Variants in RBPMS observed in about 807,000 individuals in gnomAD.
The protein encoded by RBPMS is RNA binding protein, mRNA processing factor.
A neutral mutation model predicts 26.8 loss-of-function variants in RBPMS; 7 were observed. That is an observed-to-expected ratio of 0.26 (90% CI 0.15 to 0.49). The LOEUF is 0.49. Among genes scored for constraint, RBPMS ranks in the 20% least tolerant of loss-of-function variants. The probability of loss-of-function intolerance (pLI) is 0.98; values close to 1 mark genes in which losing one functional copy is unlikely to be tolerated. For missense variants in RBPMS, 186 were observed against 250.0 expected, an observed-to-expected ratio of 0.74 and a Z score of 1.73; for synonymous variants, 96 against 93.3, an observed-to-expected ratio of 1.03 and a Z score of -0.17.
At chr8:30,519,277 G>C (rs369097711) in intron 5 of RBPMS, among the ~76,000 whole-genome samples, 1 of 151,936 alleles carries the variant, frequency 6.6e-6, no homozygotes, top group African/African-American at 2.4e-5. Flanking sequence ...TCCCAAAAAC[G>C]AATCATTCAT....
chr8:30,558,978 G>C (rs1176669850), intron 7 of RBPMS, 22 bp downstream of exon 7: 1 of 1,604,694 alleles, frequency 6.2e-7, no homozygotes, highest in South Asian at 1.1e-5. Flanking sequence ...CTTTCCTTTG[G>C]AATGTGCGAA....
At chr8:30,549,795 TCC>T (rs376497422) in intron 6 of RBPMS, among the ~76,000 whole-genome samples, 1 of 100,744 alleles carries the variant, frequency 9.9e-6, no homozygotes, top group Non-Finnish European at 1.9e-5. Context: ...TCTCTCTCTC[TCC>T]CCTCTCTCCT....
chr8:30,507,227 G>A (rs1360913851), intron 5 of RBPMS, among the ~76,000 whole-genome samples: 1 of 152,178 alleles, frequency 6.6e-6, no homozygotes, highest in East Asian at 1.9e-4. Flanking sequence ...TTATTGACAA[G>A]CTTTGTGACC....
intron 6 of RBPMS, among the ~76,000 whole-genome samples, chr8:30,548,483 T>G (rs1351187424): frequency 6.6e-6 from 1 of 152,244 alleles, no homozygotes; most frequent in Non-Finnish European, 1.5e-5. Context: ...AGGCCTCATT[T>G]GTCCAGAGTA....
At chr8:30,563,958 C>T (rs1463417053) in intron 7 of RBPMS, 6 of 152,268 alleles carry the variant, frequency 3.9e-5, no homozygotes, top group Non-Finnish European at 5.9e-5. Context: ...GTCCGTCATA[C>T]CTAAGGCTAA....
Position 30,519,167 on chromosome 8 carries a change from A to G in RBPMS, c.397+14731A>G, listed in dbSNP as rs1471757190. Among the ~76,000 whole-genome samples the G allele has an allele frequency of 2.0e-5, 3 of 152,094 alleles. No homozygotes were observed. The South Asian group carries it at 6.2e-4, about 32-fold the overall frequency. ...AATACAGAAGAGATTGGTGTTTTCC[A>G]TGGCTTGGGTTTTATCTGCTTGGAG... On this transcript the variant is annotated intron_variant, in intron 5 of 8. Transcript: ENST00000397323.
chr8:30,423,544 A>G (rs756486781), intron 1 of RBPMS, among the ~76,000 whole-genome samples: 8 of 151,060 alleles, frequency 5.3e-5, no homozygotes, highest in Non-Finnish European at 1.2e-4. Flanking sequence ...AGTAACGGCC[A>G]CTTCCCATCC....
chr8:30,556,213 A>C, intron 6 of RBPMS: 1 of 985,358 alleles, frequency 1.0e-6, no homozygotes, highest in Non-Finnish European at 1.2e-6. Flanking sequence ...AGGAGCAGCC[A>C]CCTATTGCAT....
chr8:30,491,415 T>C (rs1046595722), intron 4 of RBPMS, among the ~76,000 whole-genome samples: 5 of 152,134 alleles, frequency 3.3e-5, no homozygotes, highest in African/African-American at 1.2e-4. Context: ...TGGTATTTCA[T>C]TTCATTAACA....
At chr8:30,409,666 C>T (rs1342349536) in intron 1 of RBPMS, among the ~76,000 whole-genome samples, 2 of 152,132 alleles carry the variant, frequency 1.3e-5, no homozygotes, top group Non-Finnish European at 2.9e-5. Flanking sequence ...CGGAGTCTCG[C>T]TCTGTTGCCA....
At chr8:30,551,069 A>T (rs1826324991) in intron 6 of RBPMS, among the ~76,000 whole-genome samples, 1 of 152,118 alleles carries the variant, frequency 6.6e-6, no homozygotes, top group Admixed American at 6.5e-5. Flanking sequence ...TACAGCTTGT[A>T]CTTGGGGATA....
chr8:30,568,833 A>G (rs1363544752), intron 8 of RBPMS, among the ~76,000 whole-genome samples: 3 of 152,136 alleles, frequency 2.0e-5, no homozygotes. Flanking sequence ...AAATAGCCAC[A>G]TTTTGACCTT....
At position 30,437,747 on chromosome 8, in the gene RBPMS, C is replaced by T. The variant is rs150843182; in HGVS notation, c.67-37032C>T. 8.8e-5 allele frequency among the ~76,000 whole-genome samples: 13 copies of T among 148,560 alleles called. No individual in the cohort carries two copies. In the East Asian group the frequency reaches 1.0e-3, roughly 12 times the overall value. ...TGGAGGTTGCAGTGAGCCCAGATCA[C>T]GCCACTGCACTCCAGCCTGGGTGAC... On this transcript the variant is annotated intron_variant, in intron 1 of 8. Coordinates refer to ENST00000397323, the MANE Select transcript of RBPMS (RefSeq NM_001008710.3).
At chr8:30,418,676 T>A (rs906920434) in intron 1 of RBPMS, among the ~76,000 whole-genome samples, 1 of 152,152 alleles carries the variant, frequency 6.6e-6, no homozygotes, top group Non-Finnish European at 1.5e-5. Context: ...TCTCCTGGGT[T>A]CAAGCGATTT....
At chr8:30,525,473 T>TA (rs1375119177) in intron 5 of RBPMS, among the ~76,000 whole-genome samples, 1 of 152,240 alleles carries the variant, frequency 6.6e-6, no homozygotes, top group African/African-American at 2.4e-5. Context: ...TGCTACCTGA[T>TA]ATGGCAAACA....
intron 1 of RBPMS, among the ~76,000 whole-genome samples, chr8:30,474,476 T>C (rs1317360525): frequency 6.6e-6 from 1 of 152,174 alleles, no homozygotes; most frequent in Non-Finnish European, 1.5e-5. Context: ...AGTTAGCTTG[T>C]AAATTTAAAT....
intron 5 of RBPMS, among the ~76,000 whole-genome samples, chr8:30,533,971 A>G (rs1295839280): frequency 6.6e-6 from 1 of 152,046 alleles, no homozygotes; most frequent in Non-Finnish European, 1.5e-5. Context: ...CGTCTCTACT[A>G]AAAATATAAA....
chr8:30,529,124 C>T (rs2979504), intron 5 of RBPMS, among the ~76,000 whole-genome samples: 29,620 of 151,470 alleles, frequency 0.2, 3,167 homozygotes, highest in South Asian at 0.39. Context: ...GGAGGCTGAG[C>T]GGGAAAATCG....
intron 5 of RBPMS, among the ~76,000 whole-genome samples, chr8:30,518,757 C>T (rs942220452): frequency 8.0e-6 from 1 of 124,458 alleles, no homozygotes; most frequent in African/African-American, 3.0e-5. Flanking sequence ...TAATTGAACC[C>T]CCACCACATG....
Sources: gnomAD v4.1 joint callset for allele counts (sites outside exome capture counted in the v4.1 genomes callset) on GRCh38, gnomAD v4.1.1 for gene constraint, MANE v1.5 for transcripts, NCBI Gene and HGNC (gene_info 2026-07-23, HGNC 2026-07-21) for gene names.